FAT3: variants seen among roughly 807,000 people sequenced by gnomAD.
FAT3 encodes the protein FAT atypical cadherin 3.
FAT3 carries 95 observed loss-of-function variants against 310.2 expected under a neutral mutation model. That is an observed-to-expected ratio of 0.31 (90% CI 0.26 to 0.36). The LOEUF (loss-of-function observed/expected upper bound fraction) is 0.36, where lower values mean the gene tolerates loss of function less well. Ranked by LOEUF, FAT3 falls within the 10% of genes least tolerant of loss-of-function variation. FAT3 has a pLI of 1.00. For missense variants in FAT3, 5,408 were observed against 5,715.6 expected, an observed-to-expected ratio of 0.95 and a Z score of 1.74; for synonymous variants, 2,314 against 2,192.9, an observed-to-expected ratio of 1.06 and a Z score of -1.54.
At position 92,793,410 on chromosome 11, in the gene FAT3, A is replaced by G. The variant is rs112671723; in HGVS notation, c.4822+433A>G. Among the ~76,000 whole-genome samples the G allele has an allele frequency of 8.7e-3, 1,325 of 152,216 alleles. 33 individuals are homozygous for G. Among genetic ancestry groups the G allele is most frequent in the African/African-American group, 0.03 (1,260 of 41,532 alleles). On this transcript the variant is annotated intron_variant, in intron 9 of 27. Transcript: ENST00000525166. ...AATAGGTGGTCTGTGGGCTTCAGAA[A>G]TTCCTTCACCCTCATAGTTAGCACA...
chr11:92,841,859 T>C (rs2030510114), intron 18 of FAT3, among the ~76,000 whole-genome samples: 2 of 152,216 alleles, frequency 1.3e-5, no homozygotes, highest in South Asian at 2.1e-4. Context: ...ATCATGCTAC[T>C]GTGGCAGGAG....
chr11:92,404,655 G>A (rs1950097729), intron 2 of FAT3, among the ~76,000 whole-genome samples: 1 of 151,788 alleles, frequency 6.6e-6, no homozygotes, highest in Non-Finnish European at 1.5e-5. Flanking sequence ...GTGTCCACTT[G>A]CTTGGGCCAA....
At chr11:92,451,332 T>A (rs1316257866) in intron 2 of FAT3, among the ~76,000 whole-genome samples, 1 of 152,220 alleles carries the variant, frequency 6.6e-6, no homozygotes, top group Non-Finnish European at 1.5e-5. Flanking sequence ...GCTCCGCGGA[T>A]AAGGTTGTAA....
At chr11:92,248,266 C>A (rs542906591) in intron 1 of FAT3, among the ~76,000 whole-genome samples, 3 of 152,016 alleles carry the variant, frequency 2.0e-5, no homozygotes, top group African/African-American at 7.2e-5. Context: ...TCTCATGTAT[C>A]AGTTGCAAAA....
At chr11:92,231,860 A>G (rs542480976) in intron 1 of FAT3, among the ~76,000 whole-genome samples, 17 of 152,208 alleles carry the variant, frequency 1.1e-4, no homozygotes, top group African/African-American at 3.6e-4. Flanking sequence ...TTTCTTTCAA[A>G]GCAAAATGAG....
chr11:92,598,544 C>G (rs901526000), intron 3 of FAT3, among the ~76,000 whole-genome samples: 45 of 152,214 alleles, frequency 3.0e-4, no homozygotes, highest in Non-Finnish European at 4.9e-4. Context: ...ATTTGAGCCT[C>G]ACAGAATTTT....
chr11:92,867,010 G>A lies in FAT3; in HGVS notation c.11928G>A (p.Thr3976=), dbSNP rs2136350485. The A allele has an allele frequency of 6.2e-7, 1 of 1,600,858 alleles. No individual in the cohort carries two copies. The highest frequency in any genetic ancestry group is 8.5e-7 in the Non-Finnish European group (1 of 1,173,802). The part of the protein sequence containing the change: ...NIRSLTDTRV[T]QVLSGFQGCL... ...GCAGCCTGACTGACACGCGGGTCAC[G>A]CAGGTGCTCAGCGGCTTCCAGGGCT... Residue 3976 remains threonine, a synonymous_variant, in exon 22 of 28, where the codon ACG becomes ACA. Transcript: ENST00000525166.
intron 1 of FAT3, among the ~76,000 whole-genome samples, chr11:92,312,288 C>T (rs1220209909): frequency 6.6e-6 from 1 of 152,168 alleles, no homozygotes; most frequent in East Asian, 1.9e-4. Context: ...GAATGTTACA[C>T]AGTGAAATGT....
intron 3 of FAT3, among the ~76,000 whole-genome samples, chr11:92,657,467 A>G (rs1202530091): frequency 6.6e-6 from 1 of 152,222 alleles, no homozygotes; most frequent in Non-Finnish European, 1.5e-5. Flanking sequence ...GAGGTAGCCA[A>G]GTTTATGTGA....
At chr11:92,260,505 A>G (rs1865504800) in intron 1 of FAT3, among the ~76,000 whole-genome samples, 1 of 152,094 alleles carries the variant, frequency 6.6e-6, no homozygotes, top group Non-Finnish European at 1.5e-5. Flanking sequence ...CAATTTCTTT[A>G]AAATCTTTAT....
intron 4 of FAT3, among the ~76,000 whole-genome samples, chr11:92,719,323 C>A (rs1394842234): frequency 6.6e-6 from 1 of 152,134 alleles, no homozygotes; most frequent in African/African-American, 2.4e-5. Context: ...GATTTTCTCA[C>A]ATTATTATCT....
At chr11:92,482,889 T>C (rs930694272) in intron 2 of FAT3, among the ~76,000 whole-genome samples, 2 of 152,214 alleles carry the variant, frequency 1.3e-5, no homozygotes, top group Non-Finnish European at 2.9e-5. Flanking sequence ...TATAACACCT[T>C]TGCTGTCAGC....
At chr11:92,570,434 G>T (rs540248) in intron 3 of FAT3, among the ~76,000 whole-genome samples, 129,051 of 152,074 alleles carry the variant, frequency 0.85, 54,960 homozygotes, top group Middle Eastern at 0.92. Flanking sequence ...CTTGAGAAAT[G>T]TTCATGAAGT....
intron 1 of FAT3, among the ~76,000 whole-genome samples, chr11:92,298,595 G>T (rs1946909458): frequency 6.6e-6 from 1 of 152,104 alleles, no homozygotes; most frequent in Non-Finnish European, 1.5e-5. Flanking sequence ...TTTCTGTGCT[G>T]GTTTGGGTCT....
intron 4 of FAT3, among the ~76,000 whole-genome samples, chr11:92,705,726 T>C (rs1451333697): frequency 9.2e-5 from 7 of 76,098 alleles, no homozygotes; most frequent in Admixed American, 1.5e-4. Flanking sequence ...GGTGGTGGTG[T>C]GATGGTGTGA....
intron 3 of FAT3, among the ~76,000 whole-genome samples, chr11:92,574,587 T>C (rs949465326): frequency 1.3e-5 from 2 of 152,174 alleles, no homozygotes; most frequent in Non-Finnish European, 2.9e-5. Context: ...TTATTTCTCT[T>C]CCGTGGTTGC....
intron 3 of FAT3, among the ~76,000 whole-genome samples, chr11:92,675,441 A>G (rs1162802481): frequency 6.6e-6 from 1 of 152,218 alleles, no homozygotes. Flanking sequence ...AAGAGGCTCC[A>G]AAAGTAAATA....
At chr11:92,823,958 C>A (rs1392719518) in intron 13 of FAT3, among the ~76,000 whole-genome samples, 1 of 152,110 alleles carries the variant, frequency 6.6e-6, no homozygotes, top group Non-Finnish European at 1.5e-5. Flanking sequence ...AAAAAGGAGC[C>A]ATTAATTTAA....
At chr11:92,290,824 CAGA>C (rs1946670797) in intron 1 of FAT3, among the ~76,000 whole-genome samples, 1 of 151,818 alleles carries the variant, frequency 6.6e-6, no homozygotes, top group African/African-American at 2.4e-5. Flanking sequence ...AGAACACTAG[CAGA>C]AGGAGTAGAT....
Sources: allele counts gnomAD v4.1 joint callset (sites outside exome capture counted in the v4.1 genomes callset), GRCh38; gene constraint gnomAD v4.1.1; transcripts MANE v1.5; gene names NCBI Gene and HGNC (gene_info 2026-07-23, HGNC 2026-07-21).